DSCAM: variants seen among roughly 807,000 people sequenced by gnomAD.
The protein encoded by DSCAM is cell adhesion molecule DSCAM.
Under a neutral mutation model 217.7 loss-of-function variants are expected in DSCAM, and 47 were observed. The observed-to-expected ratio is 0.22, with a 90% confidence interval of 0.17 to 0.28. The LOEUF (loss-of-function observed/expected upper bound fraction) is 0.28. Among genes scored for constraint, DSCAM ranks in the 10% least tolerant of loss-of-function variants. The probability of loss-of-function intolerance (pLI) is 1.00; values close to 1 mark genes in which losing one functional copy is unlikely to be tolerated. For synonymous variants in DSCAM, 1,056 were observed against 1,015.3 expected, an observed-to-expected ratio of 1.04 and a Z score of -0.76; for missense variants, 2,080 against 2,618.3, an observed-to-expected ratio of 0.79 and a Z score of 4.49.
chr21:40,341,833 A>G (rs2074494942), intron 6 of DSCAM, among the ~76,000 whole-genome samples: 1 of 152,072 alleles, frequency 6.6e-6, no homozygotes, highest in Non-Finnish European at 1.5e-5. Flanking sequence ...ATCCCTCGTC[A>G]CTGTTTTTTT....
intron 1 of DSCAM, among the ~76,000 whole-genome samples, chr21:40,814,259 C>CT (rs2091863094): frequency 6.6e-6 from 1 of 152,232 alleles, no homozygotes; most frequent in African/African-American, 2.4e-5. Context: ...TGCAGACTCT[C>CT]TGGCTCTGCA....
intron 8 of DSCAM, among the ~76,000 whole-genome samples, chr21:40,333,891 C>T (rs1281003579): frequency 6.6e-6 from 1 of 152,190 alleles, no homozygotes; most frequent in Non-Finnish European, 1.5e-5. Flanking sequence ...TGAGCCTCTG[C>T]ACCTGGCTGC....
chr21:40,723,296 C>A (rs544776177), intron 1 of DSCAM, among the ~76,000 whole-genome samples: 1 of 152,240 alleles, frequency 6.6e-6, no homozygotes, highest in African/African-American at 2.4e-5. Context: ...AACTCGGGGT[C>A]TGTGCTGGTA....
chr21:40,041,479 C>CAA (rs2088748090), intron 32 of DSCAM, among the ~76,000 whole-genome samples: 2 of 143,892 alleles, frequency 1.4e-5, no homozygotes, highest in Non-Finnish European at 3.0e-5. Flanking sequence ...TCTTAAAACA[C>CAA]AAGTCCATAC....
chr21:40,757,628 G>T (rs565707064), intron 1 of DSCAM, among the ~76,000 whole-genome samples: 1 of 152,294 alleles, frequency 6.6e-6, no homozygotes, highest in Admixed American at 6.5e-5. Context: ...TCCACCAGAG[G>T]GTAAAGAGCA....
At chr21:40,505,430 T>C (rs1317316530) in intron 3 of DSCAM, among the ~76,000 whole-genome samples, 10 of 152,120 alleles carry the variant, frequency 6.6e-5, no homozygotes, top group Non-Finnish European at 1.5e-4. Context: ...GAAAGTCTTA[T>C]GATTCACAGC....
intron 3 of DSCAM, among the ~76,000 whole-genome samples, chr21:40,381,017 C>A (rs1347248706): frequency 7.5e-6 from 1 of 132,880 alleles, no homozygotes. Context: ...GAGCCGAGAT[C>A]GTGCCACTGC....
At position 40,042,324 on chromosome 21, in the gene DSCAM, G is replaced by C. The variant is rs774933551; in HGVS notation, c.5686+47C>G. 3 of 1,583,654 alleles carry C rather than the reference G, an allele frequency of 1.9e-6. No homozygotes were observed. The Admixed American group carries it at 5.1e-5, about 27-fold the overall frequency. ...ACAGCAGATGAGGGAGGACCAGGAA[G>C]GTGCACTTCCCTAAGCGACGGCCCC... On this transcript the variant is annotated intron_variant, in intron 32 of 32. Transcript: ENST00000400454.
intron 3 of DSCAM, among the ~76,000 whole-genome samples, chr21:40,564,976 T>A (rs140296204): frequency 6.6e-6 from 1 of 151,838 alleles, no homozygotes; most frequent in Non-Finnish European, 1.5e-5. Flanking sequence ...TGGGCAGAGG[T>A]GGAGGGGAGG....
chr21:40,277,505 G>A (rs2073702600), intron 10 of DSCAM, among the ~76,000 whole-genome samples: 1 of 152,084 alleles, frequency 6.6e-6, no homozygotes, highest in Admixed American at 6.6e-5. Flanking sequence ...CCCCACTGAA[G>A]AGACGAGAGA....
chr21:40,528,117 C>CATAAA (rs753777829), intron 3 of DSCAM, among the ~76,000 whole-genome samples: 43 of 152,340 alleles, frequency 2.8e-4, no homozygotes, highest in Non-Finnish European at 5.1e-4. Flanking sequence ...ATGATGACTT[C>CATAAA]ATAAATCATC....
At chr21:40,128,548 T>G (rs1229111247) in intron 19 of DSCAM, among the ~76,000 whole-genome samples, 1 of 151,700 alleles carries the variant, frequency 6.6e-6, no homozygotes, top group African/African-American at 2.4e-5. Flanking sequence ...GAAGAGGAGA[T>G]GGAGGTCAGA....
intron 32 of DSCAM, among the ~76,000 whole-genome samples, chr21:40,027,127 C>T (rs1310511771): frequency 5.3e-4 from 81 of 152,300 alleles, no homozygotes; most frequent in Non-Finnish European, 1.9e-4. Flanking sequence ...ATTTCTCCTT[C>T]ACTTATGAAG....
At chr21:40,315,493 A>G (rs1280719680) in intron 8 of DSCAM, among the ~76,000 whole-genome samples, 1 of 152,190 alleles carries the variant, frequency 6.6e-6, no homozygotes, top group East Asian at 1.9e-4. Flanking sequence ...GTTATAGAAT[A>G]CAGGAAATAT....
intron 4 of DSCAM, among the ~76,000 whole-genome samples, chr21:40,367,655 T>A (rs1372115011): frequency 6.6e-6 from 1 of 152,182 alleles, no homozygotes; most frequent in East Asian, 1.9e-4. Context: ...TATGGTAGAC[T>A]CTCATATGAG....
intron 12 of DSCAM, among the ~76,000 whole-genome samples, chr21:40,188,367 T>C (rs1051660305): frequency 8.5e-5 from 13 of 152,300 alleles, no homozygotes; most frequent in Admixed American, 5.2e-4. Flanking sequence ...CAACCATGCC[T>C]AAAGAGACAG....
intron 32 of DSCAM, among the ~76,000 whole-genome samples, chr21:40,014,383 CAAACA>C (rs146502815): frequency 0.3 from 45,846 of 151,182 alleles, 7,456 homozygotes; most frequent in Middle Eastern, 0.43. Flanking sequence ...GAGCAAGACT[CAAACA>C]AAACAAAACA....
intron 19 of DSCAM, among the ~76,000 whole-genome samples, chr21:40,127,704 C>T (rs1351177537): frequency 1.3e-5 from 2 of 152,150 alleles, no homozygotes; most frequent in African/African-American, 4.8e-5. Context: ...GCTTCTCTTG[C>T]CCCATCTCAG....
chr21:40,074,394 AG>A (rs1010874835), intron 27 of DSCAM, among the ~76,000 whole-genome samples: 4 of 152,238 alleles, frequency 2.6e-5, no homozygotes, highest in Admixed American at 2.6e-4. Flanking sequence ...CTCACATTGC[AG>A]AGCAAGGGCA....
Sources: gnomAD v4.1 joint callset for allele counts (sites outside exome capture counted in the v4.1 genomes callset) on GRCh38, gnomAD v4.1.1 for gene constraint, MANE v1.5 for transcripts, NCBI Gene and HGNC (gene_info 2026-07-23, HGNC 2026-07-21) for gene names.